The following NBEA variants were observed in gnomAD, a reference collection of about 807,000 sequenced individuals.
NBEA encodes neurobeachin.
Under a neutral mutation model 343.4 loss-of-function variants are expected in NBEA, and 44 were observed. That is an observed-to-expected ratio of 0.13 (90% CI 0.10 to 0.16). NBEA has a LOEUF of 0.16. Among genes scored for constraint, NBEA ranks in the 10% least tolerant of loss-of-function variants. NBEA has a pLI of 1.00. For synonymous variants in NBEA, 1,175 were observed against 1,238.7 expected (o/e 0.95, Z 1.08); for missense variants, 2,555 against 3,631.3 (o/e 0.70, Z 7.62).
chr13:35,593,070 G>C (rs1252207352), intron 46 of NBEA: 1 of 352,928 alleles, frequency 2.8e-6, no homozygotes, highest in Non-Finnish European at 5.1e-6. Flanking sequence ...GAAAATCGTA[G>C]AGCACTGGAA....
intron 1 of NBEA, among the ~76,000 whole-genome samples, chr13:34,985,629 TG>T (rs1424854391): frequency 6.6e-6 from 1 of 150,992 alleles, no homozygotes; most frequent in East Asian, 1.9e-4. Flanking sequence ...AGCTCCTTTT[TG>T]TACCTCTGGT....
intron 43 of NBEA, among the ~76,000 whole-genome samples, chr13:35,554,766 T>C (rs1215366545): frequency 6.6e-6 from 1 of 152,202 alleles, no homozygotes; most frequent in Non-Finnish European, 1.5e-5. Flanking sequence ...AAGGTTGCTT[T>C]CAAATTGTTT....
At chr13:35,105,787 T>C (rs1258366528) in intron 11 of NBEA, among the ~76,000 whole-genome samples, 1 of 151,990 alleles carries the variant, frequency 6.6e-6, no homozygotes, top group Non-Finnish European at 1.5e-5. Flanking sequence ...AGGAGCAGAA[T>C]GGATAATAGA....
At chr13:35,524,347 G>A (rs768320129) in intron 41 of NBEA, among the ~76,000 whole-genome samples, 8 of 152,228 alleles carry the variant, frequency 5.3e-5, no homozygotes, top group Non-Finnish European at 1.2e-4. Flanking sequence ...ATTGTGATCT[G>A]AGTGAGGATA....
chr13:35,305,106 A>G (rs2036809056), intron 35 of NBEA, among the ~76,000 whole-genome samples: 1 of 152,162 alleles, frequency 6.6e-6, no homozygotes, highest in Admixed American at 6.5e-5. Flanking sequence ...TATCATCTGT[A>G]GCTAAACTAT....
chr13:35,550,867 T>C (rs2153012952), intron 42 of NBEA, 63 bp from the exon 43 acceptor site: 1 of 1,030,976 alleles, frequency 9.7e-7, no homozygotes, highest in Non-Finnish European at 1.5e-6. Flanking sequence ...AGATGACTTG[T>C]AAAATTGATG....
At chr13:35,664,788 C>T (rs975874785) in intron 55 of NBEA, among the ~76,000 whole-genome samples, 1 of 152,210 alleles carries the variant, frequency 6.6e-6, no homozygotes, top group Non-Finnish European at 1.5e-5. Context: ...AGGCATTGTA[C>T]CTGTTTCATA....
intron 39 of NBEA, among the ~76,000 whole-genome samples, chr13:35,447,343 A>G (rs2046096214): frequency 6.6e-6 from 1 of 152,164 alleles, no homozygotes; most frequent in Non-Finnish European, 1.5e-5. Context: ...AATACTAGAA[A>G]CATTTTAGTT....
At chr13:35,324,909 T>C (rs902155975) in intron 36 of NBEA, among the ~76,000 whole-genome samples, 2 of 152,122 alleles carry the variant, frequency 1.3e-5, no homozygotes, top group Non-Finnish European at 2.9e-5. Flanking sequence ...GCTTTTTTGG[T>C]GAAAATTAAA....
intron 36 of NBEA, among the ~76,000 whole-genome samples, chr13:35,311,877 C>T (rs534850288): frequency 6.6e-6 from 1 of 152,182 alleles, no homozygotes; most frequent in South Asian, 2.1e-4. Flanking sequence ...AAAAATTCAA[C>T]CTATAATAAT....
At chr13:35,037,798 C>T (rs1166905268) in intron 1 of NBEA, among the ~76,000 whole-genome samples, 30 of 152,186 alleles carry the variant, frequency 2.0e-4, no homozygotes, top group Non-Finnish European at 3.8e-4. Flanking sequence ...ACACCTGAAG[C>T]AAGCACAGTG....
At position 34,956,894 on chromosome 13, in the gene NBEA, G is replaced by T. The variant is rs551517780; in HGVS notation, c.294+13780G>T. Reference sequence around the variant, plus strand: ...CTCCTCTCCCAACCTCGGGTGATCCGCCCACCTCGGCCTCCCAAAGTGTTG... The same window carrying T: ...CTCCTCTCCCAACCTCGGGTGATCCTCCCACCTCGGCCTCCCAAAGTGTTG... On this transcript the variant is annotated intron_variant, in intron 1 of 58. Transcript: ENST00000379939. Among the ~76,000 whole-genome samples the T allele has an allele frequency of 3.9e-5, 6 of 151,966 alleles. No homozygotes were observed. The East Asian group carries it at 5.8e-4, about 15-fold the overall frequency.
At chr13:34,992,506 G>A (rs998539291) in intron 1 of NBEA, among the ~76,000 whole-genome samples, 2 of 148,966 alleles carry the variant, frequency 1.3e-5, no homozygotes, top group Admixed American at 6.7e-5. Context: ...CGGCCAAGAA[G>A]CAAATAATTT....
intron 56 of NBEA, among the ~76,000 whole-genome samples, chr13:35,666,952 T>G (rs942512203): frequency 6.6e-6 from 1 of 152,222 alleles, no homozygotes; most frequent in Non-Finnish European, 1.5e-5. Flanking sequence ...TGTATTGATG[T>G]GGTACAACGC....
At chr13:35,542,057 A>G (rs764504369) in intron 41 of NBEA, among the ~76,000 whole-genome samples, 1 of 152,000 alleles carries the variant, frequency 6.6e-6, no homozygotes, top group South Asian at 2.1e-4. Context: ...AGGTCCATAA[A>G]TTGATGAATT....
chr13:35,380,688 T>G (rs2041970024), intron 38 of NBEA, among the ~76,000 whole-genome samples: 1 of 152,130 alleles, frequency 6.6e-6, no homozygotes, highest in Non-Finnish European at 1.5e-5. Flanking sequence ...TTATTTGATT[T>G]TATATATTTT....
chr13:35,481,958 T>A (rs956288895), intron 41 of NBEA, among the ~76,000 whole-genome samples: 11 of 151,998 alleles, frequency 7.2e-5, no homozygotes, highest in African/African-American at 2.6e-4. Context: ...TACTAGGTCA[T>A]CCAGGACTGC....
At chr13:34,966,600 G>A (rs934563082) in intron 1 of NBEA, among the ~76,000 whole-genome samples, 4 of 146,034 alleles carry the variant, frequency 2.7e-5, no homozygotes, top group Non-Finnish European at 6.0e-5. Context: ...CTTCAACTAT[G>A]TTACATATCT....
chr13:35,266,502 C>A (rs1364935685), intron 34 of NBEA, among the ~76,000 whole-genome samples: 6 of 151,666 alleles, frequency 4.0e-5, no homozygotes, highest in Admixed American at 6.6e-5. Flanking sequence ...GAATACTATT[C>A]AGCATAAAGA....
Sources: gnomAD v4.1 joint callset for allele counts (sites outside exome capture counted in the v4.1 genomes callset) on GRCh38, gnomAD v4.1.1 for gene constraint, MANE v1.5 for transcripts, NCBI Gene and HGNC (gene_info 2026-07-23, HGNC 2026-07-21) for gene names.